The following NBPF6 variants were observed in gnomAD, a reference collection of about 807,000 sequenced individuals.
NBPF6 encodes the protein NBPF member 6.
Under a neutral mutation model 20.8 loss-of-function variants are expected in NBPF6, and 2 were observed. The ratio of observed to expected loss-of-function variants is 0.10; its 90% CI spans 0.04 to 0.30. The LOEUF is 0.30. NBPF6 is among the 10% of genes least tolerant of loss of function. The probability of loss-of-function intolerance (pLI) is 1.00; values close to 1 mark genes in which losing one functional copy is unlikely to be tolerated. For synonymous variants in NBPF6, 24 were observed against 100.0 expected, an observed-to-expected ratio of 0.24 and a Z score of 4.53; for missense variants, 85 against 260.3, an observed-to-expected ratio of 0.33 and a Z score of 4.63.
chr1:108,459,477 T>C (rs1291073457), intron 9 of NBPF6, among the ~76,000 whole-genome samples: 2 of 150,648 alleles, frequency 1.3e-5, no homozygotes, highest in African/African-American at 2.4e-5. Context: ...GAAAAAATTA[T>C]TGTTATACCA....
upstream of NBPF6, among the ~76,000 whole-genome samples, chr1:108,448,451 C>T (rs1402558113): frequency 6.1e-5 from 9 of 147,028 alleles, no homozygotes; most frequent in East Asian, 1.4e-3. Flanking sequence ...GGTTATTTCC[C>T]ACACTGTTAA....
chr1:108,446,381 A>T (rs1397420258), upstream of NBPF6, among the ~76,000 whole-genome samples: 16 of 21,720 alleles, frequency 7.4e-4, 5 homozygotes, highest in African/African-American at 1.1e-3. Context: ...CAAAAAATTT[A>T]AAAAAAAAAA....
At position 108,470,421 on chromosome 1, in the gene NBPF6, T is replaced by G. The variant is rs1028911809; in HGVS notation, c.1876-176T>G. 2.7e-5 allele frequency among the ~76,000 whole-genome samples: 4 copies of G among 147,332 alleles called. 1 individual carries two copies. Among genetic ancestry groups the G allele is most frequent in the African/African-American group, 1.0e-4 (4 of 38,186 alleles). Reference sequence around the variant, plus strand: ...TGACTGGAAGTTCAGGAGTGTTTTCTTCTCACTTGTGGATGGTGCTTCCCC... The same window carrying G: ...TGACTGGAAGTTCAGGAGTGTTTTCGTCTCACTTGTGGATGGTGCTTCCCC... On this transcript the variant is annotated intron_variant, in intron 14 of 14. Coordinates refer to ENST00000495380, the MANE Select transcript of NBPF6 (RefSeq NM_001143988.2).
Position 108,470,599 on chromosome 1 carries a change from A to G in NBPF6, c.1878A>G (p.Ile626Met). The change falls in exon 15 of 15, where the codon ATA (isoleucine) becomes ATG (methionine). Residue 626 changes from isoleucine to methionine, a missense_variant and splice_region_variant. By Grantham distance (10) the Ile-to-Met change is conservative. This residue lies in a region of NBPF6 where 31 missense variants were observed against 21.0 expected (regional missense o/e 1.48). Coordinates refer to ENST00000495380, the MANE Select transcript of NBPF6 (RefSeq NM_001143988.2). ...TTTTTTCTCTCTCTCCCCTACAGATACCAAATACTGCTGAAAGGATGCAAA... is the reference window on the plus strand; with the variant it reads ...TTTTTTCTCTCTCTCCCCTACAGATGCCAAATACTGCTGAAAGGATGCAAA... ...FAGPHAESAE[I>M]PNTAERMQRM... The G allele has an allele frequency of 6.4e-7, 1 of 1,552,430 alleles. No homozygotes were observed. The highest frequency in any genetic ancestry group is 8.7e-7 in the Non-Finnish European group (1 of 1,147,298).
At chr1:108,446,509 G>A (rs868563984), upstream of NBPF6, among the ~76,000 whole-genome samples, 1,854 of 15,422 alleles carry the variant, frequency 0.12, 5 homozygotes, top group Non-Finnish European at 0.28. Context: ...ATGACAGAAC[G>A]AGAACCTGTC....
intron 14 of NBPF6, among the ~76,000 whole-genome samples, chr1:108,468,030 C>A (rs1360386825): frequency 6.6e-6 from 1 of 151,176 alleles, no homozygotes; most frequent in Non-Finnish European, 1.5e-5. Flanking sequence ...TTGCTGCATC[C>A]CCAACTCCAT....
chr1:108,467,732 C>G, intron 14 of NBPF6, 67 bp downstream of exon 14: 2 of 1,535,046 alleles, frequency 1.3e-6, no homozygotes, highest in Non-Finnish European at 1.8e-6. Flanking sequence ...ACAGCTCATT[C>G]TCTCACTGCT....
chr1:108,452,546 T>A (rs1652896347), intron 3 of NBPF6, among the ~76,000 whole-genome samples: 2 of 65,194 alleles, frequency 3.1e-5, no homozygotes, highest in African/African-American at 4.4e-5. Context: ...TAACACAAAA[T>A]AAACCAAAAA....
Position 108,470,669 on chromosome 1 carries a change from TG to T in NBPF6, c.*32del. 6.5e-7 allele frequency: 1 copy of T among 1,544,566 alleles called. No homozygotes were observed. The highest frequency in any genetic ancestry group is 8.7e-7 in the Non-Finnish European group (1 of 1,143,028). On this transcript the variant is annotated 3_prime_UTR_variant, in exon 15 of 15. Coordinates refer to ENST00000495380, the MANE Select transcript of NBPF6 (RefSeq NM_001143988.2). ...TGTCACAAAAAGCAGCTTTTCCACT[TG>T]ATAAAAACAACTAAAACAGCAAAGC...
upstream of NBPF6, among the ~76,000 whole-genome samples, chr1:108,448,110 C>A (rs1419267441): frequency 1.4e-5 from 2 of 140,868 alleles, no homozygotes; most frequent in Non-Finnish European, 3.2e-5. Flanking sequence ...TGAGTGTGAC[C>A]ATAGACTACC....
rs550850355 is a variant in NBPF6 at position 108,471,561 on chromosome 1, ATCT to A, written c.*930_*932del. 3.6e-3 allele frequency among the ~76,000 whole-genome samples: 549 copies of A among 152,274 alleles called. 3 individuals carry two copies. Among genetic ancestry groups the A allele is most frequent in the African/African-American group, 0.012 (497 of 41,550 alleles). ...AGTATAAATATCCTGTATTCTAACA[ATCT>A]TCTTCTGAGTATTTTATCATCAATT... On this transcript the variant is annotated 3_prime_UTR_variant, in exon 15 of 15. Coordinates refer to ENST00000495380, the MANE Select transcript of NBPF6 (RefSeq NM_001143988.2).
the NBPF6 span, among the ~76,000 whole-genome samples, chr1:108,436,609 AAAAAG>A: frequency 8.3e-3 from 446 of 53,778 alleles, 25 homozygotes; most frequent in East Asian, 0.06. Flanking sequence ...AAAAAAAAAA[AAAAAG>A]AAAAGAAAAG....
chr1:108,447,866 T>C (rs1652663124), upstream of NBPF6, among the ~76,000 whole-genome samples: 1 of 147,188 alleles, frequency 6.8e-6, no homozygotes, highest in East Asian at 2.0e-4. Flanking sequence ...GTGCTTCGAC[T>C]TCAGAAACTC....
At chr1:108,448,003 T>C (rs987943836), upstream of NBPF6, among the ~76,000 whole-genome samples, 2 of 146,476 alleles carry the variant, frequency 1.4e-5, no homozygotes, top group African/African-American at 5.1e-5. Flanking sequence ...GTGCTTAGAT[T>C]ATTCATTTTA....
At chr1:108,436,592 C>CAAAAAAAAAAAAAAAAAA in the NBPF6 span, among the ~76,000 whole-genome samples, 1 of 16,344 alleles carries the variant, frequency 6.1e-5, no homozygotes, top group African/African-American at 1.2e-4. Context: ...GGCTCTGTCT[C>CAAAAAAAAAAAAAAAAAA]AAAAAAAAAA....
the NBPF6 span, among the ~76,000 whole-genome samples, chr1:108,441,594 GAAGAA>G: frequency 1.7e-4 from 6 of 34,738 alleles, no homozygotes; most frequent in African/African-American, 7.5e-4. Flanking sequence ...AAAGCTAGCA[GAAGAA>G]AAGAAAACCA....
rs146163296 is a variant in NBPF6, at chr1:108,470,908, A to C, written c.*270A>C. 1 of 338,406 alleles carries C rather than the reference A, an allele frequency of 3.0e-6. No individual in the cohort carries two copies. The highest frequency in any genetic ancestry group is 5.5e-6 in the Non-Finnish European group (1 of 182,908). 21.0% of individuals were successfully genotyped at this position (338,406 alleles called of 1,614,324 possible). A position where few individuals can be genotyped will look rare whatever the true frequency, so the allele number is the denominator to read the frequency against. ...TTAGCCCTGTTTCTCAATTCCCATCATGTAGAGAACAGGAGTCCGCAGCTG... is the reference window on the plus strand; with the variant it reads ...TTAGCCCTGTTTCTCAATTCCCATCCTGTAGAGAACAGGAGTCCGCAGCTG... On this transcript the variant is annotated 3_prime_UTR_variant, in exon 15 of 15. Coordinates refer to ENST00000495380, the MANE Select transcript of NBPF6 (RefSeq NM_001143988.2).
In NBPF6 at chr1:108,471,452, T is replaced by G. The variant is rs563638455; in HGVS notation, c.*814T>G. On this transcript the variant is annotated 3_prime_UTR_variant, in exon 15 of 15. Transcript: ENST00000495380. ...TCCCCAGTGCGGTGATACTAGGATG[T>G]TCACTTGGTCAAGGAGGGGTCTAGG... 7.2e-5 allele frequency among the ~76,000 whole-genome samples: 11 copies of G among 152,168 alleles called. No homozygotes were observed. Among genetic ancestry groups the G allele is most frequent in the African/African-American group, 2.2e-4 (9 of 41,436 alleles).
chr1:108,446,380 TA>T (rs1461793117), upstream of NBPF6, among the ~76,000 whole-genome samples: 4 of 19,430 alleles, frequency 2.1e-4, no homozygotes, highest in Admixed American at 7.3e-4. Context: ...ACAAAAAATT[TA>T]AAAAAAAAAA....
Sources: gnomAD v4.1 joint callset for allele counts (sites outside exome capture counted in the v4.1 genomes callset) on GRCh38, gnomAD v4.1.1 for gene constraint, gnomAD v4.1.1 regional missense constraint, MANE v1.5 for transcripts, NCBI Gene and HGNC (gene_info 2026-07-23, HGNC 2026-07-21) for gene names.